Variants in SLIT1 observed in about 807,000 individuals in gnomAD.
SLIT1 encodes slit homolog 1 protein.
Under a neutral mutation model 186.1 loss-of-function variants are expected in SLIT1, and 66 were observed. The observed-to-expected ratio is 0.35, with a 90% CI of 0.29 to 0.44. SLIT1 has a LOEUF of 0.44. Ranked by LOEUF, SLIT1 falls within the 20% of genes least tolerant of loss-of-function variation. The pLI is 1.00. For missense variants in SLIT1, 1,638 were observed against 2,037.4 expected (o/e 0.80, Z 3.77); for synonymous variants, 761 against 833.8 (o/e 0.91, Z 1.50).
Position 97,043,314 on chromosome 10 carries a change from C to T in SLIT1, c.1997+56G>A, listed in dbSNP as rs555463726. 2.4e-5 allele frequency: 38 copies of T among 1,605,800 alleles called. No individual in the cohort carries two copies. The highest frequency in any genetic ancestry group is 1.1e-4 in the African/African-American group (8 of 74,854). ...GCTCTTTCAAAGTGGCTGGCCGAGA[C>T]GGTTGGGACGGTTGCTCCAGAGCCC... On this transcript the variant is annotated intron_variant, in intron 19 of 36. Coordinates refer to ENST00000266058, the MANE Select transcript of SLIT1 (RefSeq NM_003061.3). The surrounding 1 kb of genome is among the most constrained non-coding windows in gnomAD (Gnocchi z 7.0).
chr10:97,059,661 C>T (rs912578063), intron 10 of SLIT1, 130 bp from the exon 11 acceptor site: 1 of 715,732 alleles, frequency 1.4e-6, no homozygotes, highest in Non-Finnish European at 2.5e-6. Flanking sequence ...TAGTGAGAGG[C>T]CAGATCTCTC....
At chr10:97,158,240 G>C (rs1380579574) in intron 3 of SLIT1, among the ~76,000 whole-genome samples, 1 of 152,126 alleles carries the variant, frequency 6.6e-6, no homozygotes, top group East Asian at 1.9e-4. Context: ...CCCTTTGTGA[G>C]TTGGAAACCT....
intron 29 of SLIT1, 52 bp downstream of exon 29, chr10:97,013,967 G>C: frequency 6.3e-7 from 1 of 1,599,870 alleles, no homozygotes; most frequent in Non-Finnish European, 8.5e-7. Context: ...GGGGGCTCAG[G>C]GCTGTCTCTG....
At chr10:97,037,511 T>C (rs1335802288) in intron 22 of SLIT1, among the ~76,000 whole-genome samples, 187 bp downstream of exon 22, 1 of 152,084 alleles carries the variant, frequency 6.6e-6, no homozygotes, top group Non-Finnish European at 1.5e-5. Flanking sequence ...TGGAACTATG[T>C]AATTGCCAAT....
intron 4 of SLIT1, among the ~76,000 whole-genome samples, chr10:97,099,332 C>G (rs964201341): frequency 3.9e-5 from 6 of 152,214 alleles, no homozygotes; most frequent in Admixed American, 2.6e-4. Context: ...ACCACCGCAC[C>G]AGGCTGGCCT....
At chr10:97,138,656 T>TC (rs5787220) in intron 4 of SLIT1, among the ~76,000 whole-genome samples, 76,713 of 151,988 alleles carry the variant, frequency 0.5, 21,260 homozygotes, top group South Asian at 0.64. Flanking sequence ...ACTGTTTTTT[T>TC]TTTTTTCTAG....
chr10:97,067,983 C>T (rs182549157), intron 4 of SLIT1, among the ~76,000 whole-genome samples: 69 of 152,288 alleles, frequency 4.5e-4, no homozygotes, highest in African/African-American at 1.5e-3. Flanking sequence ...AGAAACCCAA[C>T]GGTGTGCACA....
rs1349928164 is a variant in SLIT1, at chr10:97,004,983, GGCACCAATAGGGGCT to G, written c.3580-175_3580-161del. Among the ~76,000 whole-genome samples the G allele has an allele frequency of 2.0e-5, 3 of 152,176 alleles. No homozygotes were observed. Among genetic ancestry groups the G allele is most frequent in the Non-Finnish European group, 2.9e-5 (2 of 68,034 alleles). On this transcript the variant is annotated intron_variant, in intron 32 of 36. Transcript: ENST00000266058. This position sits in a 1 kb window ranked among gnomAD's most constrained non-coding sequence, Gnocchi z 5.1. ...CCTCCCCAAGGCCATTCCTCCAGGGGGCACCAATAGGGGCTGCAGCCTCTGGTTCAAGCCCCATCC... is the reference window on the plus strand; with the variant it reads ...CCTCCCCAAGGCCATTCCTCCAGGGGGCAGCCTCTGGTTCAAGCCCCATCC...
intron 4 of SLIT1, among the ~76,000 whole-genome samples, chr10:97,096,316 C>G (rs1162496032): frequency 6.6e-6 from 1 of 152,166 alleles, no homozygotes; most frequent in Non-Finnish European, 1.5e-5. Flanking sequence ...GTCTCTGCTT[C>G]CTGCCCCCAC....
chr10:97,112,432 T>C (rs924015324), intron 4 of SLIT1, among the ~76,000 whole-genome samples: 29 of 152,174 alleles, frequency 1.9e-4, no homozygotes, highest in African/African-American at 6.0e-4. Flanking sequence ...TATAAATAAA[T>C]GTGTGTGTCT....
At chr10:97,033,195 T>G (rs1319815537) in intron 23 of SLIT1, among the ~76,000 whole-genome samples, 1 of 152,064 alleles carries the variant, frequency 6.6e-6, no homozygotes, top group African/African-American at 2.4e-5. Context: ...ACCACAGATG[T>G]GCACCACCAC....
chr10:97,139,435 A>G (rs755138019), intron 4 of SLIT1, among the ~76,000 whole-genome samples: 1 of 152,210 alleles, frequency 6.6e-6, no homozygotes, highest in Non-Finnish European at 1.5e-5. Context: ...TCACACACAC[A>G]AAGATAGGGA....
At chr10:97,084,240 C>T (rs953068524) in intron 4 of SLIT1, among the ~76,000 whole-genome samples, 2 of 152,184 alleles carry the variant, frequency 1.3e-5, no homozygotes, top group Non-Finnish European at 2.9e-5. Flanking sequence ...GAAATTTTCT[C>T]CAACTTCTAG....
At chr10:97,113,063 G>T (rs1051831259) in intron 4 of SLIT1, among the ~76,000 whole-genome samples, 5 of 152,068 alleles carry the variant, frequency 3.3e-5, no homozygotes, top group Non-Finnish European at 5.9e-5. Context: ...GACCTGAAAG[G>T]TATCTTGGAA....
chr10:97,039,516 G>A (rs566323520), intron 21 of SLIT1, among the ~76,000 whole-genome samples: 4 of 152,308 alleles, frequency 2.6e-5, no homozygotes, highest in South Asian at 4.1e-4. Context: ...TCTGACTGGC[G>A]ATTTCAGTGA....
chr10:97,004,090 G>T lies in SLIT1; in HGVS notation c.3843C>A (p.Ser1281Arg). The T allele has an allele frequency of 6.2e-7, 1 of 1,611,846 alleles. No individual in the cohort carries two copies. Among genetic ancestry groups the T allele is most frequent in the East Asian group, 2.2e-5 (1 of 44,794 alleles). ...DNFGKHYTLN[S>R]EAPLYVGGMP... Reference sequence around the variant, plus strand: ...CACCTCCCACATAGAGTGGCGCCTCGCTGTTGAGCGTGTAATGTTTGCCAA... The same window carrying T: ...CACCTCCCACATAGAGTGGCGCCTCTCTGTTGAGCGTGTAATGTTTGCCAA... The change falls in exon 34 of 37, where the codon AGC becomes AGA. Residue 1281 changes from serine to arginine, a missense_variant. Ser to Arg is a moderately radical substitution (Grantham distance 110, BLOSUM62 -1). Coordinates refer to ENST00000266058, the MANE Select transcript of SLIT1 (RefSeq NM_003061.3). The surrounding 1 kb of genome is among the most constrained non-coding windows in gnomAD (Gnocchi z 5.1).
rs954807571 is a variant in SLIT1 at position 97,068,888 on chromosome 10, C to T, written c.414-2802G>A. Among the ~76,000 whole-genome samples the T allele has an allele frequency of 2.0e-5, 3 of 152,250 alleles. No individual in the cohort carries two copies. Among genetic ancestry groups the T allele is most frequent in the Non-Finnish European group, 4.4e-5 (3 of 68,048 alleles). The stretch of plus-strand genomic sequence containing the variant: ...TGCCTGTCTTTATGCAGCAACTCCC[C>T]CAGCCCCATATGTCTTGAGAGGCTC... On this transcript the variant is annotated intron_variant, in intron 4 of 36. Coordinates refer to ENST00000266058, the MANE Select transcript of SLIT1 (RefSeq NM_003061.3). The surrounding 1 kb of genome is among the most constrained non-coding windows in gnomAD (Gnocchi z 4.2).
At chr10:97,181,031 C>T (rs547596137) in intron 1 of SLIT1, among the ~76,000 whole-genome samples, 2 of 152,234 alleles carry the variant, frequency 1.3e-5, no homozygotes, top group African/African-American at 2.4e-5. Flanking sequence ...CGCTGCCTCA[C>T]TTACTCCTCA....
intron 4 of SLIT1, among the ~76,000 whole-genome samples, chr10:97,069,521 A>G (rs1297072752): frequency 6.6e-6 from 1 of 152,190 alleles, no homozygotes; most frequent in Admixed American, 6.5e-5. Flanking sequence ...TGGCTGGAGG[A>G]GCAGTACTGC....
Sources: allele counts gnomAD v4.1 joint callset (sites outside exome capture counted in the v4.1 genomes callset), GRCh38; gene constraint gnomAD v4.1.1; non-coding constraint Gnocchi (gnomAD v3.1); transcripts MANE v1.5; gene names NCBI Gene and HGNC (gene_info 2026-07-23, HGNC 2026-07-21).